METTL24: variants seen among roughly 807,000 people sequenced by gnomAD.
METTL24 encodes the protein methyltransferase like 24.
METTL24 carries 29 observed loss-of-function variants against 32.7 expected under a neutral mutation model. The ratio of observed to expected loss-of-function variants is 0.89; its 90% confidence interval spans 0.66 to 1.21. The LOEUF is 1.21. Among genes scored for constraint, METTL24 ranks in the 50% most tolerant of loss-of-function variants. METTL24 has a pLI of 0.00. For synonymous variants in METTL24, 163 were observed against 179.5 expected (o/e 0.91, Z 0.73); for missense variants, 439 against 468.1 (o/e 0.94, Z 0.57).
chr6:110,251,702 C>T (rs1165524442), intron 4 of METTL24, among the ~76,000 whole-genome samples: 1 of 152,126 alleles, frequency 6.6e-6, no homozygotes, highest in Non-Finnish European at 1.5e-5. Flanking sequence ...GATAGCATCA[C>T]CTAAGTATCC....
intron 4 of METTL24, among the ~76,000 whole-genome samples, chr6:110,281,914 A>T (rs1410307295): frequency 6.6e-6 from 1 of 152,136 alleles, no homozygotes; most frequent in Non-Finnish European, 1.5e-5. Flanking sequence ...CACTAAGTAA[A>T]ATATTTTCAA....
At chr6:110,328,431 T>C (rs1006239099) in intron 1 of METTL24, among the ~76,000 whole-genome samples, 2 of 152,232 alleles carry the variant, frequency 1.3e-5, no homozygotes, top group African/African-American at 2.4e-5. Flanking sequence ...GTTCATGTTA[T>C]TTAGTGGCTA....
rs1778121595 is a variant in METTL24, at chr6:110,244,887, A to T, written c.*1059T>A. On this transcript the variant is annotated 3_prime_UTR_variant, in exon 5 of 5. Coordinates refer to ENST00000338882, the MANE Select transcript of METTL24 (RefSeq NM_001123364.3). ...CATTAAAGGCCTTACTTCAGTGAGG[A>T]GAGCACAGACCGAAGGAGCCAGATG... Among the ~76,000 whole-genome samples the T allele has an allele frequency of 6.6e-6, 1 of 152,170 alleles. No homozygotes were observed. Among genetic ancestry groups the T allele is most frequent in the African/African-American group, 2.4e-5 (1 of 41,444 alleles).
intron 3 of METTL24, among the ~76,000 whole-genome samples, chr6:110,301,804 A>T (rs183029765): frequency 2.0e-5 from 3 of 152,344 alleles, no homozygotes; most frequent in East Asian, 3.9e-4. Context: ...CAAGAGTTGC[A>T]GTTGAAACTA....
intron 1 of METTL24, among the ~76,000 whole-genome samples, chr6:110,329,245 A>G (rs1772070631): frequency 6.6e-6 from 1 of 152,228 alleles, no homozygotes; most frequent in Non-Finnish European, 1.5e-5. Flanking sequence ...CTAACCATCA[A>G]TTCTGTGCAT....
intron 4 of METTL24, among the ~76,000 whole-genome samples, chr6:110,258,122 G>A (rs1778419895): frequency 6.6e-6 from 1 of 152,184 alleles, no homozygotes. Flanking sequence ...CAGAGTAAGA[G>A]TGCCATCAGT....
Position 110,357,996 on chromosome 6 carries a change from C to A in METTL24, c.277G>T (p.Glu93Ter). 1.7e-6 allele frequency: 2 copies of A among 1,172,676 alleles called. No homozygotes were observed. The highest frequency in any genetic ancestry group is 4.2e-5 in the South Asian group (1 of 23,776). 72.6% of individuals were successfully genotyped at this position (1,172,676 alleles called of 1,614,324 possible). Residue 93 changes from glutamate to a stop codon, truncating the protein, a stop_gained, in exon 1 of 5, where the codon GAG (glutamate) becomes TAG (stop). Transcript: ENST00000338882. LOFTEE classifies it high-confidence loss of function. Reference sequence around the variant, plus strand: ...CCGCGCGGGGCACAGCAGCCAGGCTCCGGCGTCCCGCTCCCGCCGCCCCCC... The same window carrying A: ...CCGCGCGGGGCACAGCAGCCAGGCTACGGCGTCCCGCTCCCGCCGCCCCCC... ...PPGGGGSGTP[E>*]PGCCAPRGRP...
intron 2 of METTL24, among the ~76,000 whole-genome samples, chr6:110,316,388 A>C (rs182562131): frequency 6.6e-6 from 1 of 152,208 alleles, no homozygotes; most frequent in African/African-American, 2.4e-5. Context: ...AAAATAAGGA[A>C]AATAAGTTCT....
intron 1 of METTL24, among the ~76,000 whole-genome samples, chr6:110,331,977 T>G (rs1251178468): frequency 3.3e-5 from 5 of 152,124 alleles, no homozygotes; most frequent in African/African-American, 9.7e-5. Context: ...CAGCTCTCTC[T>G]CTCTGCAAGC....
intron 2 of METTL24, among the ~76,000 whole-genome samples, chr6:110,319,431 A>AGAT (rs1771889903): frequency 6.8e-6 from 1 of 147,898 alleles, no homozygotes; most frequent in Non-Finnish European, 1.5e-5. Context: ...ATAGATAGAT[A>AGAT]GATAGATAGA....
At chr6:110,253,355 T>C (rs1447814420) in intron 4 of METTL24, among the ~76,000 whole-genome samples, 1 of 152,130 alleles carries the variant, frequency 6.6e-6, no homozygotes, top group South Asian at 2.1e-4. Flanking sequence ...CCACATAAAC[T>C]ACGAGAGAGC....
At chr6:110,293,131 AT>A (rs1231303521) in intron 4 of METTL24, among the ~76,000 whole-genome samples, 1 of 151,956 alleles carries the variant, frequency 6.6e-6, no homozygotes, top group Non-Finnish European at 1.5e-5. Context: ...TGAAAAAAAA[AT>A]CCTATTGGCA....
chr6:110,284,782 CT>C (rs1771192215), intron 4 of METTL24, among the ~76,000 whole-genome samples: 1 of 151,988 alleles, frequency 6.6e-6, no homozygotes, highest in South Asian at 2.1e-4. Context: ...GCTACTTATA[CT>C]ACAGTATAAT....
At chr6:110,321,797 AAACT>A (rs1409683926) in intron 2 of METTL24, among the ~76,000 whole-genome samples, 3 of 152,296 alleles carry the variant, frequency 2.0e-5, no homozygotes, top group East Asian at 1.9e-4. Flanking sequence ...TTTTACCCCT[AAACT>A]AACTAACCTC....
intron 4 of METTL24, among the ~76,000 whole-genome samples, chr6:110,248,933 GT>G (rs1778222610): frequency 2.0e-5 from 3 of 151,910 alleles, no homozygotes; most frequent in African/African-American, 7.2e-5. Flanking sequence ...TCAAAACTTT[GT>G]AAAATTTTCT....
intron 1 of METTL24, among the ~76,000 whole-genome samples, chr6:110,336,466 C>A (rs547336003): frequency 6.6e-6 from 1 of 152,182 alleles, no homozygotes; most frequent in Non-Finnish European, 1.5e-5. Flanking sequence ...ATCAGCTGGG[C>A]GCGGTGGCTC....
chr6:110,306,716 G>A lies in METTL24; in HGVS notation c.558-7566C>T, dbSNP rs41382644. ...TTGCAATGGTACTTCTTCAAGCATA[G>A]TTGAAATTGGTCAAGTTTGTGGTCA... is the stretch of plus-strand genomic sequence containing the variant. On this transcript the variant is annotated intron_variant, in intron 3 of 4. Coordinates refer to ENST00000338882, the MANE Select transcript of METTL24 (RefSeq NM_001123364.3). Among the ~76,000 whole-genome samples, 1,441 of 152,234 alleles carry A rather than the reference G, an allele frequency of 9.5e-3. 17 individuals carry two copies. The highest frequency in any genetic ancestry group is 0.033 in the African/African-American group (1,375 of 41,524).
chr6:110,255,878 A>G (rs2114694823), intron 4 of METTL24, among the ~76,000 whole-genome samples: 1 of 152,238 alleles, frequency 6.6e-6, no homozygotes, highest in East Asian at 1.9e-4. Flanking sequence ...GACTGGGTCA[A>G]CCTCAGAGCA....
intron 4 of METTL24, among the ~76,000 whole-genome samples, chr6:110,274,616 A>G (rs1178328919): frequency 6.6e-6 from 1 of 152,110 alleles, no homozygotes; most frequent in Non-Finnish European, 1.5e-5. Context: ...GAACTTATCC[A>G]TGTAACCAAA....
Sources: allele counts gnomAD v4.1 joint callset (sites outside exome capture counted in the v4.1 genomes callset), GRCh38; gene constraint gnomAD v4.1.1; transcripts MANE v1.5; gene names NCBI Gene and HGNC (gene_info 2026-07-23, HGNC 2026-07-21).